The following LYRM4 variants were observed in gnomAD, a reference collection of about 807,000 sequenced individuals.
The protein encoded by LYRM4 is LYR motif containing 4.
LYRM4 carries 9 observed loss-of-function variants against 11.7 expected under a neutral mutation model. That is an observed-to-expected ratio of 0.77 (90% confidence interval 0.46 to 1.34). The LOEUF (loss-of-function observed/expected upper bound fraction) is 1.34. Among genes scored for constraint, LYRM4 ranks in the 40% most tolerant of loss-of-function variants. LYRM4 has a pLI of 0.00. For missense variants in LYRM4, 133 were observed against 112.5 expected, an observed-to-expected ratio of 1.18 and a Z score of -0.82; for synonymous variants, 42 against 40.4, an observed-to-expected ratio of 1.04 and a Z score of -0.15.
the LYRM4 span, chr6:5,066,434 C>G: frequency 1.3e-6 from 1 of 753,148 alleles, no homozygotes; most frequent in Non-Finnish European, 2.5e-6. Context: ...TGCCTGCTGT[C>G]CAAGGAACTG....
At chr6:5,091,561 T>G in the LYRM4 span, among the ~76,000 whole-genome samples, 1 of 152,252 alleles carries the variant, frequency 6.6e-6, no homozygotes, top group Non-Finnish European at 1.5e-5. Flanking sequence ...TTTTGTGAAG[T>G]TTAGTTCTTT....
chr6:5,161,761 C>T (rs979879258), intron 2 of LYRM4, among the ~76,000 whole-genome samples: 10 of 152,174 alleles, frequency 6.6e-5, no homozygotes, highest in African/African-American at 1.9e-4. Context: ...ACTTGCGTTA[C>T]GCTCATGAAC....
At chr6:5,165,274 G>A (rs7740952) in intron 2 of LYRM4, among the ~76,000 whole-genome samples, 2 of 151,914 alleles carry the variant, frequency 1.3e-5, no homozygotes, top group African/African-American at 2.4e-5. Flanking sequence ...TTGCTCTAGC[G>A]TGGACACAAG....
At chr6:5,079,947 A>C in the LYRM4 span, among the ~76,000 whole-genome samples, 1 of 152,200 alleles carries the variant, frequency 6.6e-6, no homozygotes, top group African/African-American at 2.4e-5. Context: ...TGGCTAAACT[A>C]TTCATTTCTG....
chr6:5,216,553 T>C, intron 2 of LYRM4, 65 bp downstream of exon 2: 2 of 1,595,562 alleles, frequency 1.3e-6, no homozygotes, highest in Non-Finnish European at 1.7e-6. Flanking sequence ...GGCTGTCTAA[T>C]CAAGGGGAAT....
chr6:5,085,488 G>A, the LYRM4 span: 1 of 1,533,808 alleles, frequency 6.5e-7, no homozygotes, highest in Non-Finnish European at 8.7e-7. Context: ...ACGGCGTCAT[G>A]GAGCCCATAG....
At position 5,180,437 on chromosome 6, in the gene LYRM4, A is replaced by C. The variant is rs149829577; in HGVS notation, c.207+36181T>G. Among the ~76,000 whole-genome samples the C allele has an allele frequency of 1.5e-3, 234 of 152,322 alleles. 1 individual carries two copies. Among genetic ancestry groups the C allele is most frequent in the Middle Eastern group, 6.8e-3 (2 of 294 alleles). On this transcript the variant is annotated intron_variant, in intron 2 of 2. Coordinates refer to ENST00000330636, the MANE Select transcript of LYRM4 (RefSeq NM_020408.6). ...AAGATCTTCCAAACAGCCTGGCTCT[A>C]CACAGGCCCTAGCATCCTCAAATGT...
At chr6:5,049,893 C>T in the LYRM4 span, among the ~76,000 whole-genome samples, 3 of 152,236 alleles carry the variant, frequency 2.0e-5, no homozygotes, top group African/African-American at 7.2e-5. Context: ...TGGTCTTGAA[C>T]TCCTGACCTC....
At chr6:5,196,561 T>A (rs1761067059) in intron 2 of LYRM4, among the ~76,000 whole-genome samples, 1 of 152,136 alleles carries the variant, frequency 6.6e-6, no homozygotes, top group African/African-American at 2.4e-5. Flanking sequence ...CTCCTAAGAG[T>A]GCTCACTGTC....
rs374858048 is a variant in LYRM4 at position 5,204,026 on chromosome 6, C to T, written c.207+12592G>A. On this transcript the variant is annotated intron_variant, in intron 2 of 2. Coordinates refer to ENST00000330636, the MANE Select transcript of LYRM4 (RefSeq NM_020408.6). Reference sequence around the variant, plus strand: ...TGTGCCTCACAAACATTGTCAGTCTCCTTCACACCCCTAGGAAGGGCAGAC... The same window carrying T: ...TGTGCCTCACAAACATTGTCAGTCTTCTTCACACCCCTAGGAAGGGCAGAC... Among the ~76,000 whole-genome samples the T allele has an allele frequency of 4.6e-5, 7 of 152,276 alleles. No homozygotes were observed. In the South Asian group the frequency reaches 1.4e-3, roughly 32 times the overall value.
intron 1 of LYRM4, among the ~76,000 whole-genome samples, chr6:5,253,900 T>C (rs1188448918): frequency 6.6e-6 from 1 of 151,962 alleles, no homozygotes; most frequent in African/African-American, 2.4e-5. Context: ...ATGAACCATT[T>C]CTCGATCAGA....
At chr6:5,062,942 A>G in the LYRM4 span, among the ~76,000 whole-genome samples, 1 of 152,100 alleles carries the variant, frequency 6.6e-6, no homozygotes, top group Non-Finnish European at 1.5e-5. Context: ...GGGCCCTTGG[A>G]AGGACTCATG....
the LYRM4 span, among the ~76,000 whole-genome samples, chr6:5,081,716 T>C: frequency 6.6e-6 from 1 of 152,256 alleles, no homozygotes; most frequent in East Asian, 1.9e-4. Flanking sequence ...ATTACTTACA[T>C]TGTTAGTGTT....
intron 1 of LYRM4, among the ~76,000 whole-genome samples, chr6:5,231,675 A>G (rs1252106332): frequency 1.3e-5 from 2 of 152,202 alleles, no homozygotes; most frequent in Non-Finnish European, 2.9e-5. Flanking sequence ...AAATTTGAAA[A>G]TACACTTAGC....
intron 2 of LYRM4, among the ~76,000 whole-genome samples, chr6:5,128,986 C>G (rs1763819410): frequency 6.6e-6 from 1 of 152,224 alleles, no homozygotes; most frequent in African/African-American, 2.4e-5. Flanking sequence ...TATGCGCTTG[C>G]TCAAAAAACT....
the LYRM4 span, among the ~76,000 whole-genome samples, chr6:5,063,497 G>A: frequency 3.3e-5 from 5 of 151,898 alleles, no homozygotes; most frequent in Non-Finnish European, 7.4e-5. Flanking sequence ...ATCAGTTGTC[G>A]CCATGGGACG....
intron 1 of LYRM4, among the ~76,000 whole-genome samples, chr6:5,241,592 G>T (rs1763883068): frequency 6.6e-6 from 1 of 152,154 alleles, no homozygotes; most frequent in South Asian, 2.1e-4. Flanking sequence ...AGTGTATTCA[G>T]TGATCAAAAG....
At chr6:5,160,117 A>G (rs952966420) in intron 2 of LYRM4, among the ~76,000 whole-genome samples, 11 of 152,170 alleles carry the variant, frequency 7.2e-5, no homozygotes, top group Non-Finnish European at 1.5e-4. Context: ...TGTGTAACTC[A>G]TAACAGTAAA....
downstream of LYRM4, chr6:5,106,249 C>T (rs1405206436): frequency 6.6e-6 from 1 of 152,414 alleles, no homozygotes; most frequent in African/African-American, 2.4e-5. Flanking sequence ...TCCCTGGCAC[C>T]TGGCACCTGG....
Sources: gnomAD v4.1 joint callset for allele counts (sites outside exome capture counted in the v4.1 genomes callset) on GRCh38, gnomAD v4.1.1 for gene constraint, MANE v1.5 for transcripts, NCBI Gene and HGNC (gene_info 2026-07-23, HGNC 2026-07-21) for gene names.